The following ZKSCAN7 variants were observed in gnomAD, a reference collection of about 807,000 sequenced individuals.
The protein encoded by ZKSCAN7 is zinc finger with KRAB and SCAN domains 7, also known as zinc finger protein with KRAB and SCAN domains 7.
ZKSCAN7 carries 38 observed loss-of-function variants against 65.3 expected under a neutral mutation model. The ratio of observed to expected loss-of-function variants is 0.58; its 90% CI spans 0.45 to 0.76. The LOEUF (loss-of-function observed/expected upper bound fraction) is 0.76, where lower values mean the gene tolerates loss of function less well. Ranked by LOEUF, ZKSCAN7 falls within the 30% of genes least tolerant of loss-of-function variation. The pLI is 0.00. For synonymous variants in ZKSCAN7, 321 were observed against 321.0 expected (o/e 1.00, Z 0.00); for missense variants, 815 against 913.3 (o/e 0.89, Z 1.39).
downstream of ZKSCAN7, among the ~76,000 whole-genome samples, chr3:44,576,622 T>C (rs909726535): frequency 6.6e-6 from 1 of 152,252 alleles, no homozygotes; most frequent in Non-Finnish European, 1.5e-5. Flanking sequence ...TTTCCAGTCC[T>C]GATATTTGTC....
chr3:44,563,808 A>C (rs1305544853), intron 2 of ZKSCAN7, among the ~76,000 whole-genome samples: 1 of 152,206 alleles, frequency 6.6e-6, no homozygotes, highest in Non-Finnish European at 1.5e-5. Context: ...ACAAAGTTGA[A>C]TTATCACAGT....
At chr3:44,579,226 G>A (rs1046438975) in intron 5 of ZKSCAN7, among the ~76,000 whole-genome samples, 1 of 152,208 alleles carries the variant, frequency 6.6e-6, no homozygotes, top group African/African-American at 2.4e-5. Flanking sequence ...TGCCTGGCCC[G>A]CCTGTGGCGT....
exon 6 of ZKSCAN7, chr3:44,583,482 A>C (rs999268293): frequency 6.6e-6 from 1 of 152,284 alleles, no homozygotes; most frequent in African/African-American, 2.4e-5. Flanking sequence ...AGTACTTCAA[A>C]AGCTTGATTC....
rs768356790 is a variant in ZKSCAN7 at position 44,570,839 on chromosome 3, A to G, written c.1729A>G (p.Lys577Glu). The G allele has an allele frequency of 2.5e-6, 4 of 1,614,126 alleles. No homozygotes were observed. Among genetic ancestry groups the G allele is most frequent in the Admixed American group, 3.3e-5 (2 of 60,012 alleles). ...IRHQSLHTGE[K>E]PYKCSECGKA... ...ACATCAGAGCCTCCATACTGGGGAA[A>G]AGCCATACAAATGTAGTGAATGTGG... Residue 577 changes from lysine (K) to glutamate (E), a missense_variant, in exon 6 of 6, where the codon AAG becomes GAG. Transcript: ENST00000426540.
intron 2 of ZKSCAN7, 80 bp downstream of exon 2, chr3:44,557,550 C>T: frequency 6.3e-7 from 1 of 1,588,448 alleles, no homozygotes; most frequent in Non-Finnish European, 8.5e-7. Flanking sequence ...TCTCCACTTC[C>T]CAGGCCCTAG....
intron 5 of ZKSCAN7, chr3:44,580,328 C>A: frequency 1.9e-6 from 3 of 1,613,156 alleles, no homozygotes; most frequent in African/African-American, 1.3e-5. Flanking sequence ...CAGGTTCCCG[C>A]AGGGAGCTGG....
chr3:44,579,910 C>G, intron 5 of ZKSCAN7: 1 of 1,609,234 alleles, frequency 6.2e-7, no homozygotes, highest in Non-Finnish European at 8.5e-7. Flanking sequence ...CTGTGGACCT[C>G]CTGTCCAGTG....
At chr3:44,565,094 C>T (rs1172606831) in intron 2 of ZKSCAN7, among the ~76,000 whole-genome samples, 3 of 152,158 alleles carry the variant, frequency 2.0e-5, no homozygotes, top group Non-Finnish European at 4.4e-5. Context: ...TGAGCCACTG[C>T]GCCTGGCCTA....
At chr3:44,580,028 G>T in intron 5 of ZKSCAN7, 1 of 1,578,064 alleles carries the variant, frequency 6.3e-7, no homozygotes, top group Non-Finnish European at 8.7e-7. Flanking sequence ...CCCTTTTCTC[G>T]CTGCGGCCCT....
intron 5 of ZKSCAN7, chr3:44,580,908 G>C: frequency 6.2e-7 from 1 of 1,613,434 alleles, no homozygotes; most frequent in African/African-American, 1.3e-5. Context: ...TTTTGCCTGC[G>C]TCAGGTCCTC....
chr3:44,581,237 G>A (rs939615270), intron 5 of ZKSCAN7, among the ~76,000 whole-genome samples: 9 of 147,636 alleles, frequency 6.1e-5, no homozygotes, highest in East Asian at 3.9e-4. Flanking sequence ...CGCCCGCACC[G>A]CCGCCGCCCA....
At chr3:44,579,919 T>G in intron 5 of ZKSCAN7, 1 of 1,591,506 alleles carries the variant, frequency 6.3e-7, no homozygotes, top group Non-Finnish European at 8.6e-7. Context: ...TCCTGTCCAG[T>G]GACTTGGCTC....
rs117660119 is a variant in ZKSCAN7, at chr3:44,579,142, G to A, written c.812-3830G>A. Among the ~76,000 whole-genome samples the A allele has an allele frequency of 1.1e-4, 16 of 152,366 alleles. No individual in the cohort carries two copies. In the East Asian group the frequency reaches 1.4e-3, roughly 13 times the overall value. Reference sequence around the variant, plus strand: ...ACCGCTGCTCGATCTCCACGTGGACGTTATGCGTCTTGAGGTCGCTCACAG... The same window carrying A: ...ACCGCTGCTCGATCTCCACGTGGACATTATGCGTCTTGAGGTCGCTCACAG... On this transcript the variant is annotated intron_variant, in intron 5 of 5. Transcript: ENST00000341840.
chr3:44,559,743 A>T (rs1289478730), intron 2 of ZKSCAN7, among the ~76,000 whole-genome samples: 1 of 152,228 alleles, frequency 6.6e-6, no homozygotes, highest in Non-Finnish European at 1.5e-5. Flanking sequence ...ATGCTTTTTA[A>T]AAAATGATTA....
intron 1 of ZKSCAN7, among the ~76,000 whole-genome samples, chr3:44,556,208 G>T (rs1440905022): frequency 6.6e-6 from 1 of 152,196 alleles, no homozygotes; most frequent in Non-Finnish European, 1.5e-5. Context: ...CAGCAGTTTG[G>T]AGGGTGAGAG....
In ZKSCAN7 at chr3:44,571,471, G is replaced by T; in HGVS notation, c.*96G>T. On this transcript the variant is annotated 3_prime_UTR_variant, in exon 6 of 6. Coordinates refer to ENST00000426540, the MANE Select transcript of ZKSCAN7 (RefSeq NM_001288590.2). ...TGGTTTCCCGGAGCCAGTAGTCACG[G>T]TGGACCATTCCCTACTTGCTTTTCC... 6.3e-7 allele frequency: 1 copy of T among 1,596,960 alleles called. No individual in the cohort carries two copies.
intron 5 of ZKSCAN7, chr3:44,578,213 G>A (rs1350672920): frequency 4.6e-6 from 7 of 1,525,494 alleles, no homozygotes; most frequent in African/African-American, 1.4e-5. Context: ...AGATGTCTTT[G>A]TGGTGTCACT....
Position 44,570,516 on chromosome 3 carries a change from G to A in ZKSCAN7, c.1406G>A (p.Cys469Tyr), listed in dbSNP as rs1233346715. 6.2e-7 allele frequency: 1 copy of A among 1,614,106 alleles called. No individual in the cohort carries two copies. Among genetic ancestry groups the A allele is most frequent in the African/African-American group, 1.3e-5 (1 of 74,940 alleles). The change falls in exon 6 of 6, where the codon TGT becomes TAT. Residue 469 changes from cysteine (C) to tyrosine (Y), a missense_variant. Cys to Tyr is a radical substitution (Grantham distance 194). This residue lies in a region of ZKSCAN7 where 578 missense variants were observed against 629.5 expected (regional missense o/e 0.92). Transcript: ENST00000426540. ...CATAATGGGGAGAAACCCTATAAAT[G>A]TAATGAATGTGCAAAAGCCTTTACT... ...RLHNGEKPYKCNECAKAFTQS... is the reference protein window; with the variant it reads ...RLHNGEKPYKYNECAKAFTQS...
At position 44,565,476 on chromosome 3, in the gene ZKSCAN7, C is replaced by T. The variant is rs114264927; in HGVS notation, c.424-11C>T. 1.7e-3 allele frequency: 2,701 copies of T among 1,592,446 alleles called. 43 individuals are homozygous for T. The African/African-American group carries it at 0.033, about 19-fold the overall frequency. On this transcript the variant is annotated splice_polypyrimidine_tract_variant and intron_variant, in intron 2 of 5. Transcript: ENST00000426540. ...GCTCTTTTGAACCCAATTGTATTTC[C>T]CTCTCTCTAGGTTTCAGCCCCAGCA... is the stretch of plus-strand genomic sequence containing the variant.
Sources: gnomAD v4.1 joint callset for allele counts (sites outside exome capture counted in the v4.1 genomes callset) on GRCh38, gnomAD v4.1.1 for gene constraint, gnomAD v4.1.1 regional missense constraint, MANE v1.5 for transcripts, NCBI Gene and HGNC (gene_info 2026-07-23, HGNC 2026-07-21) for gene names.